WASF3: variants seen among roughly 807,000 people sequenced by gnomAD.
WASF3 encodes WASP family member 3, also known as actin-binding protein WASF3.
In WASF3, 11 loss-of-function variants were observed where a neutral mutation model predicts 46.6. The ratio of observed to expected loss-of-function variants is 0.24; its 90% confidence interval spans 0.15 to 0.39. The LOEUF is 0.39. WASF3 is among the 10% of genes least tolerant of loss of function. WASF3 has a pLI of 1.00. For missense variants in WASF3, 576 were observed against 669.8 expected, an observed-to-expected ratio of 0.86 and a Z score of 1.55; for synonymous variants, 242 against 259.7, an observed-to-expected ratio of 0.93 and a Z score of 0.65.
At chr13:26,670,912 G>C (rs1170999008) in intron 5 of WASF3, among the ~76,000 whole-genome samples, 1 of 152,250 alleles carries the variant, frequency 6.6e-6, no homozygotes, top group Non-Finnish European at 1.5e-5. Context: ...CATAGCAGGG[G>C]CTTTAATGAC....
At chr13:26,557,401 T>C (rs943083701), upstream of WASF3, among the ~76,000 whole-genome samples, 1 of 151,946 alleles carries the variant, frequency 6.6e-6, no homozygotes, top group Non-Finnish European at 1.5e-5. Flanking sequence ...GATACAAGGG[T>C]CTCTTGGCCC....
At chr13:26,613,771 GA>G (rs1881051728) in intron 2 of WASF3, among the ~76,000 whole-genome samples, 1 of 152,072 alleles carries the variant, frequency 6.6e-6, no homozygotes, top group Non-Finnish European at 1.5e-5. Flanking sequence ...TCCATCTCAA[GA>G]AAACCTCAAA....
chr13:26,541,502 G>A, the WASF3 span, among the ~76,000 whole-genome samples: 1 of 152,188 alleles, frequency 6.6e-6, no homozygotes, highest in Non-Finnish European at 1.5e-5. Context: ...CTTAAGTGGT[G>A]CCTGGTACAC....
the WASF3 span, among the ~76,000 whole-genome samples, chr13:26,540,545 G>A: frequency 6.6e-6 from 1 of 152,278 alleles, no homozygotes; most frequent in South Asian, 2.1e-4. Context: ...TGCTCTGCTC[G>A]TCTGAAGTCT....
In WASF3 at chr13:26,686,169, C is replaced by A; in HGVS notation, c.*324C>A. ...ACTCTTACTGATCAATATAACTCTG[C>A]AGACTTGCTGTGTGTTTGTGAAGCT... On this transcript the variant is annotated 3_prime_UTR_variant, in exon 10 of 10. Coordinates refer to ENST00000335327, the MANE Select transcript of WASF3 (RefSeq NM_006646.6). 4.2e-6 allele frequency: 1 copy of A among 239,608 alleles called. No homozygotes were observed. Among genetic ancestry groups the A allele is most frequent in the Non-Finnish European group, 8.2e-6 (1 of 121,294 alleles). The allele number at this position is 239,608 out of a possible 1,614,324, so 14.8% of individuals were successfully genotyped here.
At position 26,688,327 on chromosome 13, in the gene WASF3, A is replaced by G. The variant is rs1310886194; in HGVS notation, c.*2482A>G. 1 of 152,236 alleles carries G rather than the reference A, an allele frequency of 6.6e-6. No individual in the cohort carries two copies. Among genetic ancestry groups the G allele is most frequent in the Non-Finnish European group, 1.5e-5 (1 of 68,034 alleles). The allele number at this position is 152,236 out of a possible 1,614,324, so 9.4% of individuals were successfully genotyped here. A position where few individuals can be genotyped will look rare whatever the true frequency, so the allele number is the denominator to read the frequency against. ...ATCCAAAAGCACATTTCATTTCTCCAAACTTTGTGTTTTAAATTATAGTTA... is the reference window on the plus strand; with the variant it reads ...ATCCAAAAGCACATTTCATTTCTCCGAACTTTGTGTTTTAAATTATAGTTA... On this transcript the variant is annotated 3_prime_UTR_variant, in exon 10 of 10. Coordinates refer to ENST00000335327, the MANE Select transcript of WASF3 (RefSeq NM_006646.6).
In WASF3 at chr13:26,685,980, C is replaced by A; in HGVS notation, c.*135C>A. ...CAATGTGATATTGCTTCTGCACATC[C>A]AAAAATTCTGGGTCTTTTCAGTATT... On this transcript the variant is annotated 3_prime_UTR_variant, in exon 10 of 10. Coordinates refer to ENST00000335327, the MANE Select transcript of WASF3 (RefSeq NM_006646.6). 8.0e-7 allele frequency: 1 copy of A among 1,256,682 alleles called. No individual in the cohort carries two copies. The highest frequency in any genetic ancestry group is 1.1e-6 in the Non-Finnish European group (1 of 937,536). 77.8% of individuals were successfully genotyped at this position (1,256,682 alleles called of 1,614,324 possible).
At chr13:26,667,908 A>G (rs572719077) in intron 5 of WASF3, among the ~76,000 whole-genome samples, 2 of 152,352 alleles carry the variant, frequency 1.3e-5, no homozygotes, top group South Asian at 2.1e-4. Context: ...TAGAAATGTG[A>G]GTTCTGATTT....
intron 3 of WASF3, among the ~76,000 whole-genome samples, chr13:26,651,836 T>C (rs1404112641): frequency 6.6e-6 from 1 of 152,234 alleles, no homozygotes; most frequent in Non-Finnish European, 1.5e-5. Flanking sequence ...ATAAATAGAC[T>C]TACACTGTTG....
At chr13:26,572,367 C>G (rs1228221083) in intron 1 of WASF3, among the ~76,000 whole-genome samples, 1 of 152,134 alleles carries the variant, frequency 6.6e-6, no homozygotes, top group Non-Finnish European at 1.5e-5. Flanking sequence ...CTAATTCATT[C>G]TTGTTCTGTC....
chr13:26,564,375 TTCAC>T (rs1879394550), intron 1 of WASF3, among the ~76,000 whole-genome samples: 1 of 152,242 alleles, frequency 6.6e-6, no homozygotes, highest in African/African-American at 2.4e-5. Flanking sequence ...TTGCACTTAT[TTCAC>T]TGTGGTAACA....
intron 2 of WASF3, among the ~76,000 whole-genome samples, chr13:26,628,969 G>A (rs535769816): frequency 4.1e-4 from 62 of 152,320 alleles, no homozygotes; most frequent in African/African-American, 1.4e-3. Context: ...AGAGTGTCTG[G>A]CAAGCTTGTG....
At position 26,646,454 on chromosome 13, in the gene WASF3, G is replaced by T. The variant is rs116237582; in HGVS notation, c.133+4051G>T. Among the ~76,000 whole-genome samples, 838 of 152,118 alleles carry T rather than the reference G, an allele frequency of 5.5e-3. 12 individuals carry two copies. Among genetic ancestry groups the T allele is most frequent in the African/African-American group, 0.019 (801 of 41,492 alleles). Reference sequence around the variant, plus strand: ...TTTAAATTCCTTTGGGTACTTACCCGGCCATTATTCAGTGGGTCCAAATGA... The same window carrying T: ...TTTAAATTCCTTTGGGTACTTACCCTGCCATTATTCAGTGGGTCCAAATGA... On this transcript the variant is annotated intron_variant, in intron 3 of 9. Transcript: ENST00000335327.
rs150231815 is a variant in WASF3 at position 26,563,730 on chromosome 13, G to A, written c.-109+5911G>A. On this transcript the variant is annotated intron_variant, in intron 1 of 9. Coordinates refer to ENST00000335327, the MANE Select transcript of WASF3 (RefSeq NM_006646.6). ...AGCCTTAATCTTTGGAGCCAAAGAT[G>A]CTTCTGTTTCTTCTCTGTGCCTGCA... is the stretch of plus-strand genomic sequence containing the variant. 5.5e-3 allele frequency among the ~76,000 whole-genome samples: 808 copies of A among 147,844 alleles called. 9 individuals are homozygous for A. Among genetic ancestry groups the A allele is most frequent in the African/African-American group, 0.019 (770 of 40,348 alleles).
intron 2 of WASF3, among the ~76,000 whole-genome samples, chr13:26,628,710 A>T (rs1881556832): frequency 6.6e-6 from 1 of 152,222 alleles, no homozygotes; most frequent in African/African-American, 2.4e-5. Flanking sequence ...CTTGCAGTTC[A>T]GTGGGATCTT....
chr13:26,559,592 C>G (rs1334939651), intron 1 of WASF3, among the ~76,000 whole-genome samples: 1 of 151,936 alleles, frequency 6.6e-6, no homozygotes, highest in Non-Finnish European at 1.5e-5. Context: ...TGGCAGGTAA[C>G]CTTTTGGTTA....
At chr13:26,659,673 G>A (rs1882568061) in intron 3 of WASF3, among the ~76,000 whole-genome samples, 1 of 152,130 alleles carries the variant, frequency 6.6e-6, no homozygotes, top group Non-Finnish European at 1.5e-5. Flanking sequence ...CAGGGCAGGT[G>A]GTGCGTGCAG....
chr13:26,606,655 C>T (rs1880809153), intron 1 of WASF3: 1 of 151,960 alleles, frequency 6.6e-6, no homozygotes, highest in South Asian at 2.1e-4. Context: ...CTGCCCTGGC[C>T]CTTTGACTAC....
intron 1 of WASF3, among the ~76,000 whole-genome samples, chr13:26,558,988 A>G (rs1879194781): frequency 6.6e-6 from 1 of 152,212 alleles, no homozygotes; most frequent in Admixed American, 6.5e-5. Flanking sequence ...TATTGTCTCT[A>G]GGGCAAATTC....
Sources: allele counts gnomAD v4.1 joint callset (sites outside exome capture counted in the v4.1 genomes callset), GRCh38; gene constraint gnomAD v4.1.1; transcripts MANE v1.5; gene names NCBI Gene and HGNC (gene_info 2026-07-23, HGNC 2026-07-21).